The following ZNF469 variants were observed in gnomAD, a reference collection of about 807,000 sequenced individuals.
The protein encoded by ZNF469 is zinc finger protein 469.
In ZNF469, 1 loss-of-function variant was observed where a neutral mutation model predicts 1.0. That is an observed-to-expected ratio of 1.00 (90% CI 0.35 to 4.73). The LOEUF is 4.73. ZNF469 is among the 30% of genes most tolerant of loss of function. The pLI is 0.16. For missense variants in ZNF469, 6,100 were observed against 5,356.3 expected (o/e 1.14, Z -4.33); for synonymous variants, 2,703 against 2,363.4 (o/e 1.14, Z -4.17).
chr16:88,275,583 T>C, the ZNF469 span, among the ~76,000 whole-genome samples: 1 of 152,152 alleles, frequency 6.6e-6, no homozygotes, highest in African/African-American at 2.4e-5. Flanking sequence ...GTCATCACCC[T>C]GAGAGGGAGG....
At chr16:88,298,310 T>C in the ZNF469 span, among the ~76,000 whole-genome samples, 3 of 152,082 alleles carry the variant, frequency 2.0e-5, no homozygotes, top group Non-Finnish European at 2.9e-5. Flanking sequence ...CTCGAGCGTG[T>C]TTGCTGGGGG....
the ZNF469 span, among the ~76,000 whole-genome samples, chr16:88,210,088 G>A: frequency 6.6e-6 from 1 of 152,244 alleles, no homozygotes; most frequent in African/African-American, 2.4e-5. Flanking sequence ...GTTGCAGTCT[G>A]AGAGGTGAGA....
At chr16:88,324,612 G>T in the ZNF469 span, among the ~76,000 whole-genome samples, 1 of 152,258 alleles carries the variant, frequency 6.6e-6, no homozygotes, top group Non-Finnish European at 1.5e-5. Flanking sequence ...TTGCAGAGCA[G>T]GGCTAACCCA....
At chr16:88,381,687 G>C (rs1599340963), upstream of ZNF469, among the ~76,000 whole-genome samples, 1 of 152,250 alleles carries the variant, frequency 6.6e-6, no homozygotes, top group African/African-American at 2.4e-5. Context: ...GCCAAGCCTC[G>C]AGCCTCTGGG....
the ZNF469 span, among the ~76,000 whole-genome samples, chr16:88,292,518 T>C: frequency 1.3e-5 from 2 of 152,270 alleles, no homozygotes; most frequent in Middle Eastern, 3.4e-3. Context: ...CTGGAAAGCA[T>C]TGTGGTGACA....
Position 88,424,882 on chromosome 16 carries a change from GC to G in ZNF469, c.-127+12del, listed in dbSNP as rs532862976. The stretch of plus-strand genomic sequence containing the variant: ...CCCCCGACTCCCCAGGTATGTACAG[GC>G]AGCAGCCTGCACCGAGGCTGGCCAC... On this transcript the variant is annotated intron_variant, in intron 2 of 2. Coordinates refer to ENST00000565624, the MANE Select transcript of ZNF469 (RefSeq NM_001367624.2). This position sits in a 1 kb window ranked among gnomAD's most constrained non-coding sequence, Gnocchi z 4.3. Among the ~76,000 whole-genome samples, 729 of 152,310 alleles carry G rather than the reference GC, an allele frequency of 4.8e-3. 3 individuals are homozygous for G. Among genetic ancestry groups the G allele is most frequent in the Non-Finnish European group, 7.5e-3 (512 of 68,014 alleles).
At chr16:88,114,745 G>A in the ZNF469 span, among the ~76,000 whole-genome samples, 1 of 152,174 alleles carries the variant, frequency 6.6e-6, no homozygotes, top group African/African-American at 2.4e-5. Context: ...TCGGCTTGCT[G>A]GGCCCACAGA....
chr16:88,318,532 G>A, the ZNF469 span, among the ~76,000 whole-genome samples: 2 of 151,870 alleles, frequency 1.3e-5, no homozygotes, highest in South Asian at 2.1e-4. Flanking sequence ...TCAGGGAGAC[G>A]CGGTGGCCCC....
intron 1 of ZNF469, among the ~76,000 whole-genome samples, chr16:88,416,258 T>C (rs1322993078): frequency 6.6e-6 from 1 of 152,090 alleles, no homozygotes; most frequent in African/African-American, 2.4e-5. Context: ...TGGGATGGGC[T>C]CCGTTCCCAA....
chr16:88,279,246 T>A, the ZNF469 span, among the ~76,000 whole-genome samples: 1 of 144,706 alleles, frequency 6.9e-6, no homozygotes, highest in Admixed American at 6.9e-5. Context: ...GTTAGTGCTG[T>A]GCCACGCCGA....
In ZNF469 at chr16:88,434,727, G is replaced by A. The variant is rs780605331; in HGVS notation, c.7257G>A (p.Gln2419=). The A allele has an allele frequency of 1.3e-6, 2 of 1,550,374 alleles. No homozygotes were observed. Among genetic ancestry groups the A allele is most frequent in the Non-Finnish European group, 1.7e-6 (2 of 1,146,980 alleles). ...CAAGCAGCACAGCCAGTGACTTCCA[G>A]TCTGACTCCCCCCAAAGCCACAGAA... ...TAPSSTASDF[Q]SDSPQSHRNA... The change falls in exon 3 of 3, where the codon CAG becomes CAA. Residue 2419 remains glutamine (Q), a synonymous_variant. Transcript: ENST00000565624.
chr16:88,431,086 C>G lies in ZNF469; in HGVS notation c.3616C>G (p.Pro1206Ala). The change falls in exon 3 of 3, where the codon CCC becomes GCC. Residue 1206 changes from proline (P) to alanine (A), a missense_variant. Transcript: ENST00000565624. The part of the protein sequence containing the change: ...SVAPKDPLQV[P>A]TNTETSEETR... Reference sequence around the variant, plus strand: ...GGCCCCCAAGGATCCCCTGCAGGTCCCCACCAACACCGAGACCTCAGAGGA... The same window carrying G: ...GGCCCCCAAGGATCCCCTGCAGGTCGCCACCAACACCGAGACCTCAGAGGA... The G allele has an allele frequency of 6.5e-7, 1 of 1,550,092 alleles. No individual in the cohort carries two copies. The highest frequency in any genetic ancestry group is 8.7e-7 in the Non-Finnish European group (1 of 1,146,932).
chr16:88,245,210 G>A, the ZNF469 span, among the ~76,000 whole-genome samples: 1 of 152,222 alleles, frequency 6.6e-6, no homozygotes, highest in Non-Finnish European at 1.5e-5. Context: ...GTACAGTCAT[G>A]TGAGCCTGGT....
upstream of ZNF469, among the ~76,000 whole-genome samples, chr16:88,381,070 G>T (rs1429420491): frequency 1.1e-4 from 6 of 56,372 alleles, no homozygotes; most frequent in African/African-American, 2.1e-4. Flanking sequence ...TCACACACAG[G>T]CATGCACTCA....
the ZNF469 span, among the ~76,000 whole-genome samples, chr16:88,360,433 C>T: frequency 6.6e-6 from 1 of 152,084 alleles, no homozygotes; most frequent in Non-Finnish European, 1.5e-5. Context: ...AGAACATCAT[C>T]TCTCCAGTCA....
the ZNF469 span, among the ~76,000 whole-genome samples, chr16:88,142,780 C>T: frequency 1.3e-5 from 2 of 152,220 alleles, no homozygotes; most frequent in Non-Finnish European, 2.9e-5. Flanking sequence ...GGATCCCACC[C>T]GAGGGTCCCT....
At chr16:88,376,036 A>G in the ZNF469 span, among the ~76,000 whole-genome samples, 2 of 152,366 alleles carry the variant, frequency 1.3e-5, no homozygotes, top group African/African-American at 4.8e-5. Context: ...TATGGAAAAG[A>G]AAACCCGCGT....
chr16:88,345,742 A>G, the ZNF469 span, among the ~76,000 whole-genome samples: 1 of 151,974 alleles, frequency 6.6e-6, no homozygotes, highest in African/African-American at 2.4e-5. Flanking sequence ...AGCTCTCCTC[A>G]CGTGGATGGA....
rs1906587581 is a variant in ZNF469, at chr16:88,436,511, G to C, written c.9041G>C (p.Gly3014Ala). The C allele has an allele frequency of 6.5e-7, 1 of 1,548,654 alleles. No homozygotes were observed. The highest frequency in any genetic ancestry group is 2.0e-5 in the Admixed American group (1 of 50,990). ...APADDSSSSL[G>A]DVSPEPPSLE... ...GCCGATGACTCCTCCTCTTCTCTCG[G>C]AGATGTGAGCCCCGAGCCCCCCAGC... The change falls in exon 3 of 3, where the codon GGA becomes GCA. Residue 3014 changes from glycine to alanine, a missense_variant. By Grantham distance (60) the Gly-to-Ala change is moderately conservative. Transcript: ENST00000565624.
Sources: allele counts gnomAD v4.1 joint callset (sites outside exome capture counted in the v4.1 genomes callset), GRCh38; gene constraint gnomAD v4.1.1; non-coding constraint Gnocchi (gnomAD v3.1); transcripts MANE v1.5; gene names NCBI Gene and HGNC (gene_info 2026-07-23, HGNC 2026-07-21).